CELF1: variants seen among roughly 807,000 people sequenced by gnomAD.
CELF1 encodes 50 kDa nuclear polyadenylated RNA-binding protein.
In CELF1, 10 loss-of-function variants were observed where a neutral mutation model predicts 61.8. That is an observed-to-expected ratio of 0.16 (90% CI 0.10 to 0.27). The LOEUF (loss-of-function observed/expected upper bound fraction) is 0.27, where lower values mean the gene tolerates loss of function less well. Among genes scored for constraint, CELF1 ranks in the 10% least tolerant of loss-of-function variants. The pLI is 1.00. For missense variants in CELF1, 380 were observed against 639.1 expected, an observed-to-expected ratio of 0.59 and a Z score of 4.37; for synonymous variants, 236 against 225.1, an observed-to-expected ratio of 1.05 and a Z score of -0.43.
chr11:47,497,459 C>T (rs989588714), intron 3 of CELF1, among the ~76,000 whole-genome samples: 14 of 152,334 alleles, frequency 9.2e-5, no homozygotes, highest in Non-Finnish European at 1.8e-4. Context: ...AAGACCTTTA[C>T]CTTTAAACTT....
chr11:47,531,212 A>G (rs1289609341), intron 1 of CELF1, among the ~76,000 whole-genome samples: 1 of 151,890 alleles, frequency 6.6e-6, no homozygotes, highest in Non-Finnish European at 1.5e-5. Flanking sequence ...GCACCACTGC[A>G]CTCCAGCTTG....
Position 47,521,670 on chromosome 11 carries a change from TA to T in CELF1, c.-153-20739del, listed in dbSNP as rs1163042892. Among the ~76,000 whole-genome samples the T allele has an allele frequency of 7.2e-5, 11 of 152,346 alleles. No individual in the cohort carries two copies. In the East Asian group the frequency reaches 1.9e-3, roughly 27 times the overall value. On this transcript the variant is annotated intron_variant, in intron 1 of 14. Transcript: ENST00000687097. Reference sequence around the variant, plus strand: ...TGCCTGACACATAGAAAGTGCTCAATAAACATTTGCTACTATTATTATTCTG... The same window carrying T: ...TGCCTGACACATAGAAAGTGCTCAATAACATTTGCTACTATTATTATTCTG...
chr11:47,548,127 C>T (rs1241127366), intron 1 of CELF1, among the ~76,000 whole-genome samples: 1 of 151,922 alleles, frequency 6.6e-6, no homozygotes. Context: ...GGTGAAACCC[C>T]GTCTCTACTA....
At chr11:47,551,795 C>G (rs2097144215) in intron 1 of CELF1, among the ~76,000 whole-genome samples, 1 of 152,132 alleles carries the variant, frequency 6.6e-6, no homozygotes, top group South Asian at 2.1e-4. Flanking sequence ...GGGTGGATCA[C>G]CCGAGGTCAG....
chr11:47,533,831 A>AG (rs36027014), intron 1 of CELF1, among the ~76,000 whole-genome samples: 27 of 140,902 alleles, frequency 1.9e-4, no homozygotes, highest in Admixed American at 1.4e-4. Context: ...AAAAAAAAAA[A>AG]GGAATATTTA....
chr11:47,478,948 T>A lies in CELF1; in HGVS notation c.773A>T (p.Tyr258Phe). The A allele has an allele frequency of 6.2e-7, 1 of 1,611,148 alleles. No homozygotes were observed. Residue 258 changes from tyrosine (Y) to phenylalanine (F), a missense_variant, in exon 10 of 15, where the codon TAT becomes TTT. Coordinates refer to ENST00000687097, the MANE Select transcript of CELF1 (RefSeq NM_001376376.1). ...GGCAGTCTGCTGAAGGAGCTGCAAA[T>A]AAAGCTAGACATTACACCAAAAAAC... ...NTLGPQYLAL[Y>F]LQLLQQTASS...
At chr11:47,507,907 A>T (rs1009460346) in intron 1 of CELF1, among the ~76,000 whole-genome samples, 5 of 136,382 alleles carry the variant, frequency 3.7e-5, no homozygotes, top group African/African-American at 7.6e-5. Flanking sequence ...TAAACTAATT[A>T]AAAAAAAAAA....
chr11:47,559,699 T>C (rs1356106882), intron 2 of CELF1, among the ~76,000 whole-genome samples: 4 of 152,242 alleles, frequency 2.6e-5, no homozygotes, highest in Middle Eastern at 3.4e-3. Context: ...TTCACAGATA[T>C]CACTGAGTGA....
At chr11:47,516,013 T>C (rs1169065938) in intron 1 of CELF1, among the ~76,000 whole-genome samples, 1 of 144,902 alleles carries the variant, frequency 6.9e-6, no homozygotes, top group African/African-American at 2.5e-5. Context: ...GCCTCCCGGG[T>C]TCAACATGGT....
chr11:47,543,284 C>T (rs546924368), intron 1 of CELF1, among the ~76,000 whole-genome samples: 31 of 151,992 alleles, frequency 2.0e-4, no homozygotes, highest in Non-Finnish European at 3.8e-4. Flanking sequence ...ACCTATAGTC[C>T]CGGCTACTTG....
rs200316938 is a variant in CELF1 at position 47,489,607 on chromosome 11, GA to G, written c.72-584del. On this transcript the variant is annotated intron_variant, in intron 3 of 14. Transcript: ENST00000687097. Reference sequence around the variant, plus strand: ...CGAGTTAGGTCTCCAGACCAAAACAGAGCTCCACCTCTTATATTTCCAGATG... The same window carrying G: ...CGAGTTAGGTCTCCAGACCAAAACAGGCTCCACCTCTTATATTTCCAGATG... Among the ~76,000 whole-genome samples the G allele has an allele frequency of 2.8e-3, 433 of 152,264 alleles. 1 individual carries two copies. Among genetic ancestry groups the G allele is most frequent in the Middle Eastern group, 6.8e-3 (2 of 292 alleles).
intron 2 of CELF1, among the ~76,000 whole-genome samples, chr11:47,562,727 T>C (rs909088504): frequency 6.6e-6 from 1 of 151,290 alleles, no homozygotes; most frequent in African/African-American, 2.4e-5. Context: ...TTTTTTGATA[T>C]GGAGTCTCAC....
In CELF1 at chr11:47,505,358, G is replaced by A. The variant is rs2094392963; in HGVS notation, c.-153-4426C>T. On this transcript the variant is annotated intron_variant, in intron 1 of 14. Transcript: ENST00000687097. ...TTTAAAAATCAGTATGTTAGGCCAG[G>A]CACGGTGGCTCATGCCTGGAATCCC... Among the ~76,000 whole-genome samples, 3 of 151,194 alleles carry A rather than the reference G, an allele frequency of 2.0e-5. 1 individual carries two copies. Among genetic ancestry groups the A allele is most frequent in the Admixed American group, 1.3e-4 (2 of 15,060 alleles).
chr11:47,498,117 G>C (rs1462308870), intron 3 of CELF1, among the ~76,000 whole-genome samples: 1 of 152,132 alleles, frequency 6.6e-6, no homozygotes, highest in African/African-American at 2.4e-5. Flanking sequence ...CGTAATTTTG[G>C]AGACTACAGA....
chr11:47,521,135 C>A (rs2095864478), intron 1 of CELF1, among the ~76,000 whole-genome samples: 1 of 152,012 alleles, frequency 6.6e-6, no homozygotes, highest in Non-Finnish European at 1.5e-5. Flanking sequence ...GCCTGTAGTC[C>A]CAGCTACTCC....
At chr11:47,537,705 T>G (rs1389770120) in intron 1 of CELF1, among the ~76,000 whole-genome samples, 1 of 152,148 alleles carries the variant, frequency 6.6e-6, no homozygotes, top group Non-Finnish European at 1.5e-5. Context: ...TACTAATCCT[T>G]AATACTGAAC....
chr11:47,526,361 G>T (rs1443487356), intron 1 of CELF1, among the ~76,000 whole-genome samples: 2 of 152,156 alleles, frequency 1.3e-5, no homozygotes, highest in African/African-American at 4.8e-5. Flanking sequence ...TCTTAAATGT[G>T]AAGAATACAG....
chr11:47,558,757 AAT>A (rs956377810), intron 2 of CELF1, among the ~76,000 whole-genome samples: 1 of 93,652 alleles, frequency 1.1e-5, no homozygotes, highest in African/African-American at 4.6e-5. Flanking sequence ...TAATATATAT[AAT>A]ATATATAATT....
At chr11:47,518,778 C>T (rs2095694249) in intron 1 of CELF1, among the ~76,000 whole-genome samples, 1 of 152,154 alleles carries the variant, frequency 6.6e-6, no homozygotes, top group South Asian at 2.1e-4. Flanking sequence ...AGGCCCAATA[C>T]ACACAACATA....
Sources: allele counts gnomAD v4.1 joint callset (sites outside exome capture counted in the v4.1 genomes callset), GRCh38; gene constraint gnomAD v4.1.1; transcripts MANE v1.5; gene names NCBI Gene and HGNC (gene_info 2026-07-23, HGNC 2026-07-21).